Variants in SNX3 observed in about 807,000 individuals in gnomAD.
SNX3 encodes the protein sorting nexin 3, also known as sorting nexin-3.
In SNX3, 5 loss-of-function variants were observed where a neutral mutation model predicts 17.7. The observed-to-expected ratio is 0.28, with a 90% CI of 0.15 to 0.59. The LOEUF (loss-of-function observed/expected upper bound fraction) is 0.59, where lower values mean the gene tolerates loss of function less well. SNX3 is among the 20% of genes least tolerant of loss of function. The pLI is 0.88. For missense variants in SNX3, 132 were observed against 206.8 expected (o/e 0.64, Z 2.22); for synonymous variants, 91 against 76.5 (o/e 1.19, Z -0.99).
chr6:108,222,492 G>A (rs1009101544), intron 2 of SNX3, among the ~76,000 whole-genome samples: 1 of 152,172 alleles, frequency 6.6e-6, no homozygotes, highest in African/African-American at 2.4e-5. Flanking sequence ...AAGAATATCA[G>A]CACATATCAC....
intron 1 of SNX3, among the ~76,000 whole-genome samples, chr6:108,226,011 A>C: frequency 6.9e-6 from 1 of 144,430 alleles, no homozygotes; most frequent in African/African-American, 2.6e-5. Context: ...GCACCACTGC[A>C]CTCCAGCATG....
At chr6:108,231,321 G>A (rs569223946) in intron 1 of SNX3, among the ~76,000 whole-genome samples, 179 of 152,168 alleles carry the variant, frequency 1.2e-3, no homozygotes, top group African/African-American at 4.2e-3. Context: ...TCCTGACCTC[G>A]TGATCCACCC....
rs531046064 is a variant in SNX3 at position 108,245,657 on chromosome 6, G to A, written c.162+15103C>T. ...TTTAACGACTGCCATTCTAACTGGC[G>A]TGAGATGGTATCTCATTGTAGTTTT... On this transcript the variant is annotated intron_variant, in intron 1 of 3. Coordinates refer to ENST00000230085, the MANE Select transcript of SNX3 (RefSeq NM_003795.6). Among the ~76,000 whole-genome samples the A allele has an allele frequency of 9.8e-5, 15 of 152,330 alleles. No individual in the cohort carries two copies. The South Asian group carries it at 1.2e-3, about 13-fold the overall frequency.
chr6:108,233,834 G>C, intron 1 of SNX3, among the ~76,000 whole-genome samples: 1 of 152,208 alleles, frequency 6.6e-6, no homozygotes, highest in East Asian at 1.9e-4. Context: ...AGCTGGGACA[G>C]ATATGGGCGA....
At chr6:108,222,912 A>G in intron 2 of SNX3, 38 bp downstream of exon 2, 1 of 1,152,844 alleles carries the variant, frequency 8.7e-7, no homozygotes, top group South Asian at 1.3e-5. Flanking sequence ...AAAACTTGGA[A>G]TGTTTTGCTT....
At chr6:108,260,441 G>T (rs947265296) in intron 1 of SNX3, among the ~76,000 whole-genome samples, 1 of 152,014 alleles carries the variant, frequency 6.6e-6, no homozygotes, top group Non-Finnish European at 1.5e-5. Context: ...CCCAGCGAAG[G>T]GATGTGTTCT....
rs1416193287 is a variant in SNX3 at position 108,260,947 on chromosome 6, C to A, written c.-26G>T. The A allele has an allele frequency of 1.3e-6, 2 of 1,539,394 alleles. No individual in the cohort carries two copies. Among genetic ancestry groups the A allele is most frequent in the African/African-American group, 1.4e-5 (1 of 70,330 alleles). On this transcript the variant is annotated 5_prime_UTR_variant, in exon 1 of 4. Transcript: ENST00000230085. ...TTCGCTGTAGCTGCTGCCGCCGCCG[C>A]GGGCTCCCTCCGCCCCCTCCGCGTT...
At chr6:108,245,140 G>C (rs1775644315) in intron 1 of SNX3, among the ~76,000 whole-genome samples, 1 of 151,830 alleles carries the variant, frequency 6.6e-6, no homozygotes, top group Non-Finnish European at 1.5e-5. Flanking sequence ...GCCCTGGTGT[G>C]TGATGTTCCC....
intron 1 of SNX3, among the ~76,000 whole-genome samples, chr6:108,253,078 A>G (rs1317477660): frequency 6.6e-6 from 1 of 152,234 alleles, no homozygotes; most frequent in Non-Finnish European, 1.5e-5. Flanking sequence ...AAAGTATCTA[A>G]TAATAACAGT....
chr6:108,247,235 TCA>T, intron 1 of SNX3, among the ~76,000 whole-genome samples: 1 of 152,114 alleles, frequency 6.6e-6, no homozygotes, highest in East Asian at 1.9e-4. Context: ...ATACTGTGAG[TCA>T]ATTAAACTTC....
At chr6:108,248,608 G>T (rs1287820502) in intron 1 of SNX3, among the ~76,000 whole-genome samples, 1 of 152,112 alleles carries the variant, frequency 6.6e-6, no homozygotes, top group Non-Finnish European at 1.5e-5. Context: ...TCATGCTGAG[G>T]TCTAAACAAA....
intron 1 of SNX3, among the ~76,000 whole-genome samples, chr6:108,250,481 G>A (rs1374205881): frequency 6.6e-6 from 1 of 152,192 alleles, no homozygotes. Flanking sequence ...AAACTCCTCA[G>A]TGTCCTAAGA....
At chr6:108,235,999 A>G (rs1775318422) in intron 1 of SNX3, among the ~76,000 whole-genome samples, 1 of 152,196 alleles carries the variant, frequency 6.6e-6, no homozygotes. Flanking sequence ...AAGTTCCTCA[A>G]TAATACAGAA....
At chr6:108,252,022 A>C (rs908500229) in intron 1 of SNX3, among the ~76,000 whole-genome samples, 2 of 151,252 alleles carry the variant, frequency 1.3e-5, no homozygotes, top group Non-Finnish European at 2.9e-5. Context: ...CTGAGACTGC[A>C]CTATTGCACT....
chr6:108,240,479 A>T (rs542030484), intron 1 of SNX3, among the ~76,000 whole-genome samples: 125 of 152,296 alleles, frequency 8.2e-4, no homozygotes, highest in African/African-American at 2.9e-3. Flanking sequence ...CTGGCCTCCC[A>T]AAGTGTTGGG....
chr6:108,242,792 A>G (rs1775559040), intron 1 of SNX3, among the ~76,000 whole-genome samples: 1 of 152,182 alleles, frequency 6.6e-6, no homozygotes. Flanking sequence ...GAGCCCCTTA[A>G]AAGGGGGCTT....
intron 2 of SNX3, among the ~76,000 whole-genome samples, chr6:108,219,715 C>T (rs531640321): frequency 6.6e-6 from 1 of 152,286 alleles, no homozygotes; most frequent in Non-Finnish European, 1.5e-5. Context: ...TGCTGAATTC[C>T]TTTCCCACTG....
chr6:108,223,354 T>C (rs1008188310), intron 1 of SNX3, among the ~76,000 whole-genome samples: 13 of 152,056 alleles, frequency 8.5e-5, no homozygotes, highest in Non-Finnish European at 4.4e-5. Flanking sequence ...CCCAGGCTGG[T>C]CTTGAACTCC....
At chr6:108,225,813 A>G (rs1380785966) in intron 1 of SNX3, among the ~76,000 whole-genome samples, 1 of 151,956 alleles carries the variant, frequency 6.6e-6, no homozygotes, top group African/African-American at 2.4e-5. Context: ...AGATGGGAGG[A>G]CTGCTTGAGG....
Sources: gnomAD v4.1 joint callset for allele counts (sites outside exome capture counted in the v4.1 genomes callset) on GRCh38, gnomAD v4.1.1 for gene constraint, MANE v1.5 for transcripts, NCBI Gene and HGNC (gene_info 2026-07-23, HGNC 2026-07-21) for gene names.